The following CPM variants were observed in gnomAD, a reference collection of about 807,000 sequenced individuals.
CPM encodes the protein carboxypeptidase M, also known as renal carboxypeptidase.
CPM carries 35 observed loss-of-function variants against 46.4 expected under a neutral mutation model. The ratio of observed to expected loss-of-function variants is 0.75; its 90% CI spans 0.58 to 1.00. The LOEUF is 1.00. Among genes scored for constraint, CPM ranks in the 50% least tolerant of loss-of-function variants. The pLI is 0.00. For synonymous variants in CPM, 195 were observed against 195.3 expected (o/e 1.00, Z 0.01); for missense variants, 422 against 530.4 (o/e 0.80, Z 2.01).
intron 1 of CPM, among the ~76,000 whole-genome samples, chr12:68,938,986 ATAT>A (rs1222565176): frequency 2.0e-4 from 30 of 147,962 alleles, no homozygotes; most frequent in African/African-American, 5.9e-4. Flanking sequence ...AAGTATATAG[ATAT>A]TATATAAATA....
At chr12:68,941,845 C>T (rs1144963) in intron 1 of CPM, among the ~76,000 whole-genome samples, 99,091 of 152,024 alleles carry the variant, frequency 0.65, 33,557 homozygotes, top group African/African-American at 0.85. Context: ...CCAGCAAAAC[C>T]GGATTTGTTT....
At chr12:68,933,053 C>T (rs1026933561) in intron 1 of CPM, 89 bp downstream of exon 1, 4 of 483,156 alleles carry the variant, frequency 8.3e-6, no homozygotes, top group African/African-American at 6.0e-5. Context: ...GACCCAGCCG[C>T]CCGCGCCTCC....
At chr12:68,879,478 C>CCTG (rs1886095238) in intron 3 of CPM, among the ~76,000 whole-genome samples, 1 of 152,156 alleles carries the variant, frequency 6.6e-6, no homozygotes, top group African/African-American at 2.4e-5. Context: ...ATCCTTCCAC[C>CCTG]TCAGCCTCCT....
At chr12:68,930,861 T>G (rs1888471208) in intron 2 of CPM, among the ~76,000 whole-genome samples, 1 of 152,230 alleles carries the variant, frequency 6.6e-6, no homozygotes, top group South Asian at 2.1e-4. Flanking sequence ...ACCAAATCAC[T>G]TAGTACTTAA....
chr12:68,890,762 A>T (rs1379850946), intron 2 of CPM, among the ~76,000 whole-genome samples: 1 of 152,264 alleles, frequency 6.6e-6, no homozygotes, highest in East Asian at 1.9e-4. Context: ...CCACCGGGAC[A>T]TTCCACATTG....
At position 68,949,772 on chromosome 12, in the gene CPM, A is replaced by G. The variant is rs138450512; in HGVS notation, c.-4+13397T>C. On this transcript the variant is annotated intron_variant, in intron 1 of 8. Coordinates refer to the CPM transcript ENST00000546373. ...CACAGTTGAGGTACAGCAATGGAAAATTGCAGGTGAGGCTGGCTTCAGAAC... is the reference window on the plus strand; with the variant it reads ...CACAGTTGAGGTACAGCAATGGAAAGTTGCAGGTGAGGCTGGCTTCAGAAC... Among the ~76,000 whole-genome samples the G allele has an allele frequency of 3.8e-3, 572 of 152,318 alleles. 5 individuals carry two copies. Among genetic ancestry groups the G allele is most frequent in the South Asian group, 0.029 (142 of 4,822 alleles).
chr12:68,900,934 A>G (rs1845451607), intron 2 of CPM, among the ~76,000 whole-genome samples: 1 of 152,180 alleles, frequency 6.6e-6, no homozygotes, highest in Admixed American at 6.5e-5. Flanking sequence ...TCTGTATGAT[A>G]CTACAATGTC....
At chr12:68,846,970 A>G (rs982555343), downstream of CPM, 5 of 149,938 alleles carry the variant, frequency 3.3e-5, no homozygotes, top group African/African-American at 9.9e-5. Context: ...ATTAACCCCT[A>G]CTCCACCTTG....
Position 68,852,401 on chromosome 12 carries a change from C to T in CPM, c.*4036G>A, listed in dbSNP as rs964366041. On this transcript the variant is annotated 3_prime_UTR_variant, in exon 9 of 9. Transcript: ENST00000551568. ...CTGAGTGTTAACTATCATCTTTCCT[C>T]CACCTGAACAAGCACCAAAAATGTA... The T allele has an allele frequency of 2.6e-5, 4 of 152,198 alleles. No homozygotes were observed. Among genetic ancestry groups the T allele is most frequent in the Non-Finnish European group, 4.4e-5 (3 of 68,062 alleles). 9.4% of individuals were successfully genotyped at this position (152,198 alleles called of 1,614,324 possible). A position where few individuals can be genotyped will look rare whatever the true frequency, so the allele number is the denominator to read the frequency against.
rs192672307 is a variant in CPM at position 68,903,241 on chromosome 12, A to G, written c.161-17352T>C. ...GATCACATGTTTTTTCCTGAGCTGA[A>G]GACAGTAGCTTTAAAAAAGCCATCT... On this transcript the variant is annotated intron_variant, in intron 2 of 8. Coordinates refer to ENST00000551568, the MANE Select transcript of CPM (RefSeq NM_198320.5). Among the ~76,000 whole-genome samples the G allele has an allele frequency of 5.3e-5, 8 of 152,368 alleles. No homozygotes were observed. The East Asian group carries it at 1.5e-3, about 29-fold the overall frequency.
At position 68,932,786 on chromosome 12, in the gene CPM, G is replaced by T. The variant is rs747262757; in HGVS notation, c.52C>A (p.Leu18Met). The change falls in exon 2 of 9, where the codon CTG becomes ATG. Residue 18 changes from leucine to methionine, a missense_variant. Leu to Met is a conservative substitution (Grantham distance 15). Coordinates refer to ENST00000551568, the MANE Select transcript of CPM (RefSeq NM_198320.5). ...LGLLLPLVAA[L>M]DFNYHRQEGM... is the part of the protein sequence containing the mutation. ...TCCTGGCGGTGGTAGTTGAAATCCAGCGCAGCTACCAAAGGCAGCAACAGC... is the reference window on the plus strand; with the variant it reads ...TCCTGGCGGTGGTAGTTGAAATCCATCGCAGCTACCAAAGGCAGCAACAGC... 1 of 1,614,142 alleles carries T rather than the reference G, an allele frequency of 6.2e-7. No homozygotes were observed. The highest frequency in any genetic ancestry group is 1.3e-5 in the African/African-American group (1 of 75,032).
intron 5 of CPM, chr12:68,843,557 A>G (rs1279806428): frequency 8.8e-6 from 2 of 226,914 alleles, no homozygotes; most frequent in African/African-American, 4.5e-5. Context: ...GAAAATAACC[A>G]TCTTGATTTA....
At chr12:68,846,712 TGAA>T (rs1884320299), downstream of CPM, 1 of 152,062 alleles carries the variant, frequency 6.6e-6, no homozygotes, top group Admixed American at 6.5e-5. Context: ...TAGAACACTA[TGAA>T]ATGGGTGCTT....
At chr12:68,940,239 T>G (rs1185292530) in intron 1 of CPM, among the ~76,000 whole-genome samples, 1 of 152,080 alleles carries the variant, frequency 6.6e-6, no homozygotes, top group Admixed American at 6.6e-5. Context: ...ACAGTTTCCC[T>G]TATTATTAAC....
intron 7 of CPM, among the ~76,000 whole-genome samples, chr12:68,860,617 C>G (rs1315311720): frequency 6.6e-6 from 1 of 151,992 alleles, no homozygotes; most frequent in Non-Finnish European, 1.5e-5. Context: ...TTTTGAAGAG[C>G]TATTTACACT....
intron 2 of CPM, among the ~76,000 whole-genome samples, chr12:68,897,790 T>C (rs1216096893): frequency 2.0e-5 from 3 of 151,782 alleles, no homozygotes; most frequent in Admixed American, 6.6e-5. Context: ...ATACAGTTAT[T>C]GTCCATTTGA....
At chr12:68,955,909 G>T (rs1889009953) in intron 1 of CPM, among the ~76,000 whole-genome samples, 1 of 152,074 alleles carries the variant, frequency 6.6e-6, no homozygotes, top group Non-Finnish European at 1.5e-5. Context: ...ATTCCAGTCT[G>T]CAGAACTGAA....
intron 2 of CPM, among the ~76,000 whole-genome samples, chr12:68,924,557 T>G (rs997247933): frequency 1.3e-5 from 2 of 152,048 alleles, no homozygotes; most frequent in East Asian, 3.8e-4. Context: ...CTGATAAATG[T>G]CTCAGAAAGG....
chr12:68,853,867 AAG>A lies in CPM; in HGVS notation c.*2568_*2569del, dbSNP rs1884841391. ...AAGAGGAGAAGGAAGGAAGAAAGGA[AAG>A]AAATCTGCTCACCAGAGTTGCTATT... is the stretch of plus-strand genomic sequence containing the variant. On this transcript the variant is annotated 3_prime_UTR_variant, in exon 9 of 9. Coordinates refer to ENST00000551568, the MANE Select transcript of CPM (RefSeq NM_198320.5). 1 of 152,062 alleles carries A rather than the reference AAG, an allele frequency of 6.6e-6. No individual in the cohort carries two copies. The highest frequency in any genetic ancestry group is 2.1e-4 in the South Asian group (1 of 4,812). 9.4% of individuals were successfully genotyped at this position (152,062 alleles called of 1,614,324 possible).
Sources: gnomAD v4.1 joint callset for allele counts (sites outside exome capture counted in the v4.1 genomes callset) on GRCh38, gnomAD v4.1.1 for gene constraint, MANE v1.5 for transcripts, NCBI Gene and HGNC (gene_info 2026-07-23, HGNC 2026-07-21) for gene names.